UACA: variants seen among roughly 807,000 people sequenced by gnomAD.
UACA encodes the protein nuclear membrane binding protein.
Under a neutral mutation model 160.5 loss-of-function variants are expected in UACA, and 112 were observed. The ratio of observed to expected loss-of-function variants is 0.70; its 90% CI spans 0.60 to 0.82. The LOEUF is 0.82. Ranked by LOEUF, UACA falls within the 40% of genes least tolerant of loss-of-function variation. UACA has a pLI of 0.00. For synonymous variants in UACA, 557 were observed against 568.4 expected (o/e 0.98, Z 0.29); for missense variants, 1,574 against 1,614.6 (o/e 0.97, Z 0.43).
At chr15:70,666,241 C>T (rs1215985789) in intron 16 of UACA, among the ~76,000 whole-genome samples, 3 of 152,122 alleles carry the variant, frequency 2.0e-5, no homozygotes, top group Non-Finnish European at 4.4e-5. Context: ...AGGGAAAGGA[C>T]ATTCTGGGTG....
intron 1 of UACA, among the ~76,000 whole-genome samples, chr15:70,753,078 G>A (rs958811170): frequency 6.6e-6 from 1 of 152,142 alleles, no homozygotes; most frequent in Non-Finnish European, 1.5e-5. Flanking sequence ...CAGCTATAGT[G>A]AGACAGACAT....
chr15:70,697,704 G>C (rs1017785380), intron 2 of UACA, among the ~76,000 whole-genome samples: 3 of 152,276 alleles, frequency 2.0e-5, no homozygotes, highest in Admixed American at 2.0e-4. Flanking sequence ...TAAGAATACA[G>C]TTTGTGTGTG....
intron 9 of UACA, among the ~76,000 whole-genome samples, chr15:70,680,821 C>CT (rs1239609242): frequency 6.6e-6 from 1 of 152,234 alleles, no homozygotes; most frequent in Non-Finnish European, 1.5e-5. Context: ...TAGCAGCGAT[C>CT]TGATCACGTG....
At chr15:70,702,508 A>T (rs1232529051) in intron 1 of UACA, among the ~76,000 whole-genome samples, 1 of 152,216 alleles carries the variant, frequency 6.6e-6, no homozygotes, top group Non-Finnish European at 1.5e-5. Flanking sequence ...ATTGTAAAAC[A>T]TGCTTATTAT....
intron 1 of UACA, among the ~76,000 whole-genome samples, chr15:70,700,265 A>G (rs550530778): frequency 6.4e-5 from 9 of 140,240 alleles, no homozygotes; most frequent in African/African-American, 2.5e-4. Flanking sequence ...ATTTATTTAA[A>G]AAGTACTGTT....
intron 1 of UACA, among the ~76,000 whole-genome samples, chr15:70,716,688 C>T (rs1348657131): frequency 1.3e-5 from 2 of 151,796 alleles, no homozygotes; most frequent in Non-Finnish European, 2.9e-5. Context: ...GTCTTTTTAC[C>T]CTCCTAAAAG....
chr15:70,699,974 C>T (rs558647450), intron 1 of UACA, among the ~76,000 whole-genome samples: 33 of 152,168 alleles, frequency 2.2e-4, no homozygotes, highest in Admixed American at 1.4e-3. Context: ...GAACACCTAC[C>T]CTGTACCAGG....
chr15:70,740,768 G>A (rs1056230070), intron 1 of UACA, among the ~76,000 whole-genome samples: 4 of 151,368 alleles, frequency 2.6e-5, no homozygotes, highest in African/African-American at 7.3e-5. Context: ...CTGGCCGGGC[G>A]CGGTGGCTCA....
intron 1 of UACA, among the ~76,000 whole-genome samples, chr15:70,754,521 G>A (rs1285062598): frequency 1.3e-5 from 2 of 151,948 alleles, no homozygotes; most frequent in East Asian, 1.9e-4. Context: ...AATGCATTTC[G>A]ACTTACAATA....
intron 16 of UACA, 40 bp from the exon 17 acceptor site, chr15:70,664,854 A>G (rs1488592710): frequency 6.5e-7 from 1 of 1,549,092 alleles, no homozygotes; most frequent in Non-Finnish European, 8.8e-7. Context: ...TTATTCACTT[A>G]TCATGTACAA....
intron 18 of UACA, 64 bp downstream of exon 18, chr15:70,660,087 T>C (rs1362203549): frequency 1.5e-6 from 2 of 1,351,136 alleles, no homozygotes; most frequent in African/African-American, 1.5e-5. Context: ...CATAAATTTA[T>C]TTGAAAATAA....
Position 70,666,853 on chromosome 15 carries a change from T to C in UACA, c.3831A>G (p.Leu1277=), listed in dbSNP as rs1470269792. Residue 1277 remains leucine, a synonymous_variant, in exon 16 of 19, where the codon TTA becomes TTG. Coordinates refer to ENST00000322954, the MANE Select transcript of UACA (RefSeq NM_018003.4). ...TTTCTTGCTCAATGCTGAAATGCAGTAATTCCTTCTCATCTTTTGCAGATA... is the reference window on the plus strand; with the variant it reads ...TTTCTTGCTCAATGCTGAAATGCAGCAATTCCTTCTCATCTTTTGCAGATA... ...KEISAKDEKE[L]LHFSIEQEIK... is the part of the protein sequence containing the mutation. 1.2e-6 allele frequency: 2 copies of C among 1,614,020 alleles called. No homozygotes were observed. Among genetic ancestry groups the C allele is most frequent in the East Asian group, 4.5e-5 (2 of 44,866 alleles).
chr15:70,747,769 G>A (rs1308202278), intron 1 of UACA, among the ~76,000 whole-genome samples: 1 of 151,948 alleles, frequency 6.6e-6, no homozygotes, highest in African/African-American at 2.4e-5. Flanking sequence ...TCTGCCTATT[G>A]AATATCTCTA....
intron 1 of UACA, among the ~76,000 whole-genome samples, chr15:70,752,155 T>C (rs2030114165): frequency 6.6e-6 from 1 of 151,022 alleles, no homozygotes; most frequent in Non-Finnish European, 1.5e-5. Context: ...GGAGAATCGC[T>C]TGAACCCGGG....
intron 13 of UACA, 127 bp from the exon 14 acceptor site, chr15:70,672,128 C>A: frequency 1.0e-5 from 7 of 691,098 alleles, no homozygotes; most frequent in Non-Finnish European, 1.1e-5. Flanking sequence ...TTCTCCAGAG[C>A]ATTATTCTAC....
At chr15:70,767,763 C>A (rs890937230), upstream of UACA, among the ~76,000 whole-genome samples, 69 of 152,212 alleles carry the variant, frequency 4.5e-4, no homozygotes, top group African/African-American at 1.5e-3. Flanking sequence ...ACCCAGTGAA[C>A]AAAGCCAGTG....
chr15:70,665,566 T>C (rs367544890), intron 16 of UACA, among the ~76,000 whole-genome samples: 88 of 152,092 alleles, frequency 5.8e-4, no homozygotes, highest in African/African-American at 2.0e-3. Context: ...TAGAGCAAGA[T>C]ACCATCTCCT....
chr15:70,721,111 A>C (rs1898977107), intron 1 of UACA, among the ~76,000 whole-genome samples: 1 of 152,200 alleles, frequency 6.6e-6, no homozygotes, highest in Non-Finnish European at 1.5e-5. Context: ...AAATGAAACA[A>C]AAGGTTAAAG....
chr15:70,747,296 T>C (rs916047964), intron 1 of UACA, among the ~76,000 whole-genome samples: 7 of 142,832 alleles, frequency 4.9e-5, no homozygotes, highest in Non-Finnish European at 1.0e-4. Context: ...CAGGCTGGAG[T>C]GCAGTGGCGT....
Sources: allele counts gnomAD v4.1 joint callset (sites outside exome capture counted in the v4.1 genomes callset), GRCh38; gene constraint gnomAD v4.1.1; transcripts MANE v1.5; gene names NCBI Gene and HGNC (gene_info 2026-07-23, HGNC 2026-07-21).